The following FGD4 variants were observed in gnomAD, a reference collection of about 807,000 sequenced individuals.
FGD4 encodes the protein FYVE, RhoGEF and PH domain containing 4.
FGD4 carries 42 observed loss-of-function variants against 102.0 expected under a neutral mutation model. The ratio of observed to expected loss-of-function variants is 0.41; its 90% confidence interval spans 0.32 to 0.53. FGD4 has a LOEUF of 0.53. Among genes scored for constraint, FGD4 ranks in the 20% least tolerant of loss-of-function variants. The pLI is 0.21. For synonymous variants in FGD4, 380 were observed against 375.7 expected, an observed-to-expected ratio of 1.01 and a Z score of -0.13; for missense variants, 902 against 1,078.2, an observed-to-expected ratio of 0.84 and a Z score of 2.29.
chr12:32,502,830 T>C (rs1284320093), intron 1 of FGD4, among the ~76,000 whole-genome samples: 1 of 152,220 alleles, frequency 6.6e-6, no homozygotes, highest in Non-Finnish European at 1.5e-5. Context: ...TTTGCAATGC[T>C]TTGGCACAAG....
chr12:32,531,244 C>T (rs1015074097), intron 1 of FGD4, among the ~76,000 whole-genome samples: 1 of 152,010 alleles, frequency 6.6e-6, no homozygotes, highest in African/African-American at 2.4e-5. Flanking sequence ...CCACTCCACC[C>T]GGCCCTCCTA....
In FGD4 at chr12:32,406,325, A is replaced by AG. The variant is rs551580495; in HGVS notation, c.166+6368dup. ...TTCCAGCACTTTGGGAGGCAGAAGCAGGCGGATCACTTGAGGTCAGGAGTT... is the reference window on the plus strand; with the variant it reads ...TTCCAGCACTTTGGGAGGCAGAAGCAGGGCGGATCACTTGAGGTCAGGAGTT... On this transcript the variant is annotated intron_variant, in intron 1 of 16. Coordinates refer to ENST00000534526, the MANE Select transcript of FGD4 (RefSeq NM_001370298.3). 6.5e-3 allele frequency among the ~76,000 whole-genome samples: 985 copies of AG among 151,856 alleles called. 24 individuals are homozygous for AG. The highest frequency in any genetic ancestry group is 4.5e-3 in the Non-Finnish European group (308 of 67,934).
rs1027607804 is a variant in FGD4, at chr12:32,412,705, T to G, written c.166+12746T>G. Among the ~76,000 whole-genome samples the G allele has an allele frequency of 2.6e-5, 4 of 151,944 alleles. No individual in the cohort carries two copies. The East Asian group carries it at 5.8e-4, about 22-fold the overall frequency. ...CTCACTGCAACCTCCGCCTCCTGGG[T>G]TCAAGCGATCCTCCTGCCTCAGTCT... On this transcript the variant is annotated intron_variant, in intron 1 of 16. Coordinates refer to ENST00000534526, the MANE Select transcript of FGD4 (RefSeq NM_001370298.3).
intron 1 of FGD4, among the ~76,000 whole-genome samples, chr12:32,435,493 A>G (rs886105792): frequency 4.0e-5 from 2 of 49,840 alleles, no homozygotes; most frequent in African/African-American, 3.7e-4. Flanking sequence ...AGCTACAATT[A>G]AAAAAGTGTG....
At chr12:32,627,303 C>T (rs1365643923) in intron 14 of FGD4, among the ~76,000 whole-genome samples, 3 of 151,952 alleles carry the variant, frequency 2.0e-5, no homozygotes, top group Non-Finnish European at 4.4e-5. Flanking sequence ...TTTGGGCATG[C>T]ACCACCACGC....
In FGD4 at chr12:32,416,867, T is replaced by C. The variant is rs370457843; in HGVS notation, c.166+16908T>C. Among the ~76,000 whole-genome samples, 17 of 152,212 alleles carry C rather than the reference T, an allele frequency of 1.1e-4. 1 individual carries two copies. In the East Asian group the frequency reaches 2.9e-3, roughly 26 times the overall value. ...AGTTTTGTACCTTCAGATGATTTCT[T>C]ATTGCTCATTAACGTCCTTTTCTTT... is the stretch of plus-strand genomic sequence containing the variant. On this transcript the variant is annotated intron_variant, in intron 1 of 16. Transcript: ENST00000534526.
At chr12:32,612,209 CCAGCCA>C (rs1949184133) in intron 10 of FGD4, among the ~76,000 whole-genome samples, 1 of 152,220 alleles carries the variant, frequency 6.6e-6, no homozygotes, top group Non-Finnish European at 1.5e-5. Flanking sequence ...TACGCTTGCT[CCAGCCA>C]CAGCTTTGCA....
At chr12:32,448,988 A>C (rs1404492912) in intron 1 of FGD4, among the ~76,000 whole-genome samples, 1 of 152,236 alleles carries the variant, frequency 6.6e-6, no homozygotes, top group Admixed American at 6.5e-5. Context: ...AATCATCTTC[A>C]TAATGCTCTT....
At chr12:32,412,354 A>G (rs866146826) in intron 1 of FGD4, among the ~76,000 whole-genome samples, 1 of 152,324 alleles carries the variant, frequency 6.6e-6, no homozygotes, top group Middle Eastern at 3.4e-3. Context: ...TCTGGTGTTT[A>G]TGTAGACAGA....
At chr12:32,516,377 C>T (rs979284346) in intron 1 of FGD4, among the ~76,000 whole-genome samples, 6 of 152,040 alleles carry the variant, frequency 3.9e-5, no homozygotes, top group Non-Finnish European at 8.8e-5. Flanking sequence ...CTCCCAGGCC[C>T]AAGCGATTCT....
At chr12:32,627,206 G>A (rs1219377812) in intron 14 of FGD4, among the ~76,000 whole-genome samples, 1 of 150,756 alleles carries the variant, frequency 6.6e-6, no homozygotes, top group African/African-American at 2.5e-5. Context: ...CCAGGCTGGA[G>A]TGCAATGTTG....
intron 7 of FGD4, among the ~76,000 whole-genome samples, chr12:32,606,550 T>G (rs150255247): frequency 1.2e-4 from 18 of 152,184 alleles, no homozygotes; most frequent in African/African-American, 4.3e-4. Context: ...TCTCTCAGGT[T>G]TCTCCTCCTG....
At chr12:32,491,929 A>G (rs1327786811) in intron 1 of FGD4, among the ~76,000 whole-genome samples, 3 of 152,230 alleles carry the variant, frequency 2.0e-5, no homozygotes, top group Admixed American at 6.5e-5. Context: ...TTTTTAAAAG[A>G]AAAGAACCAA....
In FGD4 at chr12:32,529,856, AT is replaced by A. The variant is rs1316785555; in HGVS notation, c.167-34278del. On this transcript the variant is annotated intron_variant, in intron 1 of 16. Transcript: ENST00000534526. Reference sequence around the variant, plus strand: ...AGACTCTGTCTAAAAAAAAAAAAAAATTTAAAAAAAAAAAAGCTGACATTGC... The same window carrying A: ...AGACTCTGTCTAAAAAAAAAAAAAAATTAAAAAAAAAAAAGCTGACATTGC... Among the ~76,000 whole-genome samples the A allele has an allele frequency of 1.2e-3, 172 of 142,010 alleles. 2 individuals carry two copies. Among genetic ancestry groups the A allele is most frequent in the African/African-American group, 3.6e-3 (140 of 38,742 alleles). The allele number at this position is 142,010 out of a possible 152,430, so 93.2% of individuals were successfully genotyped here.
chr12:32,514,262 T>G (rs750308371), intron 1 of FGD4, among the ~76,000 whole-genome samples: 2 of 152,222 alleles, frequency 1.3e-5, no homozygotes, highest in Non-Finnish European at 2.9e-5. Context: ...ACAGAAGCAG[T>G]ATGAATGTTG....
chr12:32,537,392 A>G (rs1308280186), intron 1 of FGD4, among the ~76,000 whole-genome samples: 1 of 152,020 alleles, frequency 6.6e-6, no homozygotes, highest in Non-Finnish European at 1.5e-5. Flanking sequence ...GATTGCTTCT[A>G]CTAGCCTCCT....
intron 1 of FGD4, among the ~76,000 whole-genome samples, chr12:32,452,542 T>C (rs1384143978): frequency 6.6e-6 from 1 of 152,234 alleles, no homozygotes; most frequent in East Asian, 1.9e-4. Flanking sequence ...GTAATACAAC[T>C]GGCTGAATTG....
rs191722847 is a variant in FGD4 at position 32,569,727 on chromosome 12, G to A, written c.319+5438G>A. ...TTTGTTCATTTTTCCTTTGCTCATT[G>A]ATAGGCTCAAGTGGCTAGAACCTAG... is the stretch of plus-strand genomic sequence containing the variant. On this transcript the variant is annotated intron_variant, in intron 2 of 16. Coordinates refer to ENST00000534526, the MANE Select transcript of FGD4 (RefSeq NM_001370298.3). Among the ~76,000 whole-genome samples the A allele has an allele frequency of 3.4e-4, 52 of 152,140 alleles. 2 individuals carry two copies. The highest frequency in any genetic ancestry group is 1.0e-4 in the Non-Finnish European group (7 of 68,006).
chr12:32,439,464 T>C (rs1467301832), intron 1 of FGD4, among the ~76,000 whole-genome samples: 1 of 152,226 alleles, frequency 6.6e-6, no homozygotes, highest in African/African-American at 2.4e-5. Flanking sequence ...TTCCTTTGGA[T>C]ACATACCCAG....
Sources: gnomAD v4.1 joint callset for allele counts (sites outside exome capture counted in the v4.1 genomes callset) on GRCh38, gnomAD v4.1.1 for gene constraint, MANE v1.5 for transcripts, NCBI Gene and HGNC (gene_info 2026-07-23, HGNC 2026-07-21) for gene names.